The following GAS7 variants were observed in gnomAD, a reference collection of about 807,000 sequenced individuals.
The protein encoded by GAS7 is growth arrest specific 7, also known as growth arrest-specific protein 7.
In GAS7, 28 loss-of-function variants were observed where a neutral mutation model predicts 71.1. The ratio of observed to expected loss-of-function variants is 0.39; its 90% CI spans 0.29 to 0.54. The LOEUF is 0.54. Among genes scored for constraint, GAS7 ranks in the 20% least tolerant of loss-of-function variants. The pLI is 0.62. For missense variants in GAS7, 436 were observed against 627.8 expected (o/e 0.69, Z 3.27); for synonymous variants, 258 against 245.8 (o/e 1.05, Z -0.46).
intron 1 of GAS7, among the ~76,000 whole-genome samples, chr17:10,039,040 G>C (rs993047164): frequency 1.3e-5 from 2 of 152,096 alleles, no homozygotes. Context: ...GGTGCTGTGG[G>C]CAGGGAATGA....
chr17:9,962,267 C>CACAT (rs1555605517), intron 4 of GAS7, among the ~76,000 whole-genome samples: 1 of 142,634 alleles, frequency 7.0e-6, no homozygotes, highest in Admixed American at 6.8e-5. Context: ...CACACACACA[C>CACAT]GTGACACACA....
At chr17:10,121,202 G>A (rs867564362) in intron 1 of GAS7, among the ~76,000 whole-genome samples, 8 of 152,114 alleles carry the variant, frequency 5.3e-5, no homozygotes, top group Admixed American at 1.3e-4. Context: ...CCAACATGGT[G>A]AAACCCCGTC....
intron 1 of GAS7, among the ~76,000 whole-genome samples, chr17:10,054,522 C>A (rs1224018939): frequency 6.6e-6 from 1 of 152,108 alleles, no homozygotes; most frequent in Non-Finnish European, 1.5e-5. Flanking sequence ...CATGGGCAAC[C>A]AAAAACAAAA....
intron 1 of GAS7, among the ~76,000 whole-genome samples, chr17:10,081,094 A>T (rs184505412): frequency 6.0e-4 from 91 of 152,406 alleles, no homozygotes; most frequent in African/African-American, 2.1e-3. Context: ...AAAGATCTCA[A>T]CATCAAACAA....
In GAS7 at chr17:9,974,802, G is replaced by A. The variant is rs988821797; in HGVS notation, c.386-5040C>T. On this transcript the variant is annotated intron_variant, in intron 3 of 13. Transcript: ENST00000432992. This position sits in a 1 kb window ranked among gnomAD's most constrained non-coding sequence, Gnocchi z 4.0. Reference sequence around the variant, plus strand: ...CGAATATGAAAAGTTATCGAGAAAGGCCAAGCAACAAAGAAGCGCCAGCAG... The same window carrying A: ...CGAATATGAAAAGTTATCGAGAAAGACCAAGCAACAAAGAAGCGCCAGCAG... Among the ~76,000 whole-genome samples, 1 of 152,058 alleles carries A rather than the reference G, an allele frequency of 6.6e-6. No individual in the cohort carries two copies. Among genetic ancestry groups the A allele is most frequent in the African/African-American group, 2.4e-5 (1 of 41,426 alleles).
At chr17:9,976,121 CCTCA>C (rs1215446937) in intron 3 of GAS7, among the ~76,000 whole-genome samples, 1 of 152,262 alleles carries the variant, frequency 6.6e-6, no homozygotes, top group Non-Finnish European at 1.5e-5. Flanking sequence ...GCCACCTGGT[CCTCA>C]CTGTCTCTCC....
chr17:9,983,191 A>C (rs1288821359), intron 2 of GAS7, among the ~76,000 whole-genome samples: 2 of 152,206 alleles, frequency 1.3e-5, no homozygotes, highest in Non-Finnish European at 2.9e-5. Context: ...ATTTTTGTGA[A>C]TACCTTTCCA....
At position 10,126,536 on chromosome 17, in the gene GAS7, C is replaced by T. The variant is rs896381681; in HGVS notation, c.183+71672G>A. ...TCACACACGCACACACAAGCACACA[C>T]ACAAAGAGCGCACACACGCAGACAT... On this transcript the variant is annotated intron_variant, in intron 1 of 13. Coordinates refer to ENST00000432992, the MANE Select transcript of GAS7 (RefSeq NM_201433.2). 3.4e-4 allele frequency among the ~76,000 whole-genome samples: 10 copies of T among 29,752 alleles called. No homozygotes were observed. In the South Asian group the frequency reaches 6.0e-3, roughly 18 times the overall value. The allele number at this position is 29,752 out of a possible 152,430, so 19.5% of individuals were successfully genotyped here.
At chr17:10,175,065 C>T (rs1279513144) in intron 1 of GAS7, among the ~76,000 whole-genome samples, 3 of 151,864 alleles carry the variant, frequency 2.0e-5, no homozygotes, top group Non-Finnish European at 2.9e-5. Flanking sequence ...AGGCTGGTCT[C>T]GAAATCCTGG....
chr17:10,175,976 T>A (rs1450596426), intron 1 of GAS7, among the ~76,000 whole-genome samples: 10 of 152,096 alleles, frequency 6.6e-5, no homozygotes, highest in Admixed American at 1.3e-4. Flanking sequence ...GCTGGGCACA[T>A]CCCCGTTATC....
chr17:10,126,755 G>A (rs557511071), intron 1 of GAS7, among the ~76,000 whole-genome samples: 3 of 152,338 alleles, frequency 2.0e-5, no homozygotes, highest in Admixed American at 1.3e-4. Flanking sequence ...CAGTCCCAGC[G>A]TGGGGCACGG....
intron 6 of GAS7, among the ~76,000 whole-genome samples, chr17:9,945,500 T>C (rs1415803877): frequency 6.6e-6 from 1 of 152,122 alleles, no homozygotes; most frequent in Non-Finnish European, 1.5e-5. Context: ...TTTATACTGT[T>C]TCCTCAACCA....
intron 3 of GAS7, among the ~76,000 whole-genome samples, chr17:9,971,278 T>C (rs2069949457): frequency 6.6e-6 from 1 of 151,940 alleles, no homozygotes; most frequent in Non-Finnish European, 1.5e-5. Context: ...AAGGGAGGAA[T>C]GGCCAGGGGG....
intron 1 of GAS7, among the ~76,000 whole-genome samples, chr17:10,072,621 G>A (rs931164603): frequency 2.6e-5 from 4 of 152,114 alleles, no homozygotes; most frequent in South Asian, 2.1e-4. Flanking sequence ...CCACACCATC[G>A]CCTTAGAAAC....
At chr17:10,178,129 A>C (rs79910491) in intron 1 of GAS7, among the ~76,000 whole-genome samples, 4,685 of 152,282 alleles carry the variant, frequency 0.031, 182 homozygotes, top group East Asian at 0.13. Flanking sequence ...TATGTGGCAG[A>C]ATGAGCAGCT....
chr17:10,131,098 T>A (rs7212961), intron 1 of GAS7, among the ~76,000 whole-genome samples: 120,146 of 152,180 alleles, frequency 0.79, 47,987 homozygotes, highest in Non-Finnish European at 0.83. Context: ...CCACGACTAC[T>A]TTCTGAAACT....
intron 1 of GAS7, among the ~76,000 whole-genome samples, chr17:10,117,406 AT>A (rs1221450302): frequency 2.6e-5 from 4 of 152,154 alleles, no homozygotes; most frequent in Non-Finnish European, 5.9e-5. Flanking sequence ...GGCTCCAGAG[AT>A]TAGAAGGTAG....
intron 4 of GAS7, among the ~76,000 whole-genome samples, chr17:9,966,397 C>T (rs942661416): frequency 1.3e-5 from 2 of 152,116 alleles, no homozygotes; most frequent in African/African-American, 2.4e-5. Flanking sequence ...AGATCTGGGG[C>T]TTTCCAGTCT....
intron 1 of GAS7, among the ~76,000 whole-genome samples, chr17:10,100,409 C>A (rs2073687048): frequency 6.6e-6 from 1 of 151,584 alleles, no homozygotes; most frequent in South Asian, 2.1e-4. Context: ...TCCTCTCTGC[C>A]CTCTATTCCT....
Sources: allele counts gnomAD v4.1 joint callset (sites outside exome capture counted in the v4.1 genomes callset), GRCh38; gene constraint gnomAD v4.1.1; non-coding constraint Gnocchi (gnomAD v3.1); transcripts MANE v1.5; gene names NCBI Gene and HGNC (gene_info 2026-07-23, HGNC 2026-07-21).